The following PCNX2 variants were observed in gnomAD, a reference collection of about 807,000 sequenced individuals.
PCNX2 encodes pecanex 2, also known as pecanex-like protein 2.
A neutral mutation model predicts 223.8 loss-of-function variants in PCNX2; 168 were observed. The ratio of observed to expected loss-of-function variants is 0.75; its 90% CI spans 0.66 to 0.85. The LOEUF (loss-of-function observed/expected upper bound fraction) is 0.85. Ranked by LOEUF, PCNX2 falls within the 40% of genes least tolerant of loss-of-function variation. PCNX2 has a pLI of 0.00. For missense variants in PCNX2, 2,507 were observed against 2,675.5 expected, an observed-to-expected ratio of 0.94 and a Z score of 1.39; for synonymous variants, 1,006 against 1,052.6, an observed-to-expected ratio of 0.96 and a Z score of 0.86.
At chr1:233,119,403 CAAA>C (rs71173251) in intron 21 of PCNX2, among the ~76,000 whole-genome samples, 151 of 38,600 alleles carry the variant, frequency 3.9e-3, no homozygotes, top group African/African-American at 0.015. Context: ...ACTAAAAATA[CAAA>C]AAAAAAAAAA....
chr1:233,321,394 C>T, the PCNX2 span, among the ~76,000 whole-genome samples: 1 of 151,916 alleles, frequency 6.6e-6, no homozygotes, highest in African/African-American at 2.4e-5. Flanking sequence ...GCCTCCCAGG[C>T]TCAAGTGATT....
intron 21 of PCNX2, among the ~76,000 whole-genome samples, chr1:233,111,653 C>T (rs1675124223): frequency 6.6e-6 from 1 of 152,166 alleles, no homozygotes; most frequent in Admixed American, 6.5e-5. Flanking sequence ...ATCTGCCCAC[C>T]TCGGCCTCCC....
At chr1:233,323,511 C>T in the PCNX2 span, among the ~76,000 whole-genome samples, 1 of 152,228 alleles carries the variant, frequency 6.6e-6, no homozygotes, top group Non-Finnish European at 1.5e-5. Flanking sequence ...TTTCCAACAG[C>T]ATTTGCTCAC....
intron 4 of PCNX2, chr1:233,259,922 C>T: frequency 3.2e-6 from 2 of 616,610 alleles, no homozygotes; most frequent in Non-Finnish European, 4.1e-6. Flanking sequence ...ATATATATAG[C>T]ATTTACATTG....
chr1:233,097,863 C>G (rs550567475), intron 21 of PCNX2, among the ~76,000 whole-genome samples: 1 of 152,254 alleles, frequency 6.6e-6, no homozygotes, highest in South Asian at 2.1e-4. Context: ...CCACCATTAA[C>G]CCAACTAGAA....
At chr1:233,266,600 G>A (rs558708279) in intron 1 of PCNX2, among the ~76,000 whole-genome samples, 5 of 152,270 alleles carry the variant, frequency 3.3e-5, no homozygotes, top group African/African-American at 1.2e-4. Flanking sequence ...AGAGAAAGAA[G>A]GCTTAGGAAG....
At position 233,289,698 on chromosome 1, in the gene PCNX2, A is replaced by G. The variant is rs192062844; in HGVS notation, c.153+5628T>C. On this transcript the variant is annotated intron_variant, in intron 1 of 33. Transcript: ENST00000258229. Reference sequence around the variant, plus strand: ...ATATCAAGGTTCTGGGAGTCAAAGGAAAGAAAGCATGGACTATGTGATCCA... The same window carrying G: ...ATATCAAGGTTCTGGGAGTCAAAGGGAAGAAAGCATGGACTATGTGATCCA... Among the ~76,000 whole-genome samples the G allele has an allele frequency of 4.7e-4, 72 of 152,370 alleles. 1 individual carries two copies. In the East Asian group the frequency reaches 0.013, roughly 28 times the overall value.
intron 25 of PCNX2, among the ~76,000 whole-genome samples, chr1:233,045,833 T>C (rs904594115): frequency 1.3e-5 from 2 of 152,254 alleles, no homozygotes; most frequent in African/African-American, 4.8e-5. Context: ...AATGACATGA[T>C]GCCAGTGTCT....
At chr1:233,308,076 T>G in the PCNX2 span, among the ~76,000 whole-genome samples, 2 of 152,214 alleles carry the variant, frequency 1.3e-5, no homozygotes, top group African/African-American at 4.8e-5. Flanking sequence ...TAAAACAAAG[T>G]TATGGCTTAT....
intron 22 of PCNX2, among the ~76,000 whole-genome samples, chr1:233,091,196 G>T (rs550337830): frequency 5.3e-5 from 8 of 152,222 alleles, no homozygotes; most frequent in Admixed American, 4.6e-4. Flanking sequence ...ATTAGGACTT[G>T]GATCATTCTA....
intron 22 of PCNX2, among the ~76,000 whole-genome samples, chr1:233,093,289 T>C (rs767017373): frequency 6.6e-6 from 1 of 152,204 alleles, no homozygotes; most frequent in Non-Finnish European, 1.5e-5. Flanking sequence ...CATCTTTCCC[T>C]GGAGGTTACA....
intron 25 of PCNX2, among the ~76,000 whole-genome samples, chr1:233,038,079 G>A (rs766925144): frequency 4.6e-4 from 70 of 152,142 alleles, no homozygotes; most frequent in Non-Finnish European, 1.3e-4. Context: ...TTTAAAATCA[G>A]TATTCTTCTT....
At chr1:233,100,179 A>G (rs912603934) in intron 21 of PCNX2, among the ~76,000 whole-genome samples, 2 of 152,154 alleles carry the variant, frequency 1.3e-5, no homozygotes, top group Non-Finnish European at 2.9e-5. Flanking sequence ...TTGGGAGGCC[A>G]TGGCAGGCAG....
chr1:233,202,004 T>A, intron 13 of PCNX2: 1 of 330,490 alleles, frequency 3.0e-6, no homozygotes, highest in Non-Finnish European at 6.2e-6. Flanking sequence ...ATGCACTAGA[T>A]CCTCTCCAAA....
chr1:233,303,798 GTTC>G, the PCNX2 span, among the ~76,000 whole-genome samples: 107 of 152,118 alleles, frequency 7.0e-4, no homozygotes, highest in Non-Finnish European at 1.3e-3. Context: ...TCACCTCAGG[GTTC>G]TTCTGGTTAG....
Position 233,014,891 on chromosome 1 carries a change from C to A in PCNX2, c.4840-114G>T, listed in dbSNP as rs1326391678. 2.3e-5 allele frequency: 17 copies of A among 739,128 alleles called. No homozygotes were observed. In the East Asian group the frequency reaches 3.0e-4, roughly 13 times the overall value. 45.8% of individuals were successfully genotyped at this position (739,128 alleles called of 1,614,324 possible). A position where few individuals can be genotyped will look rare whatever the true frequency, so the allele number is the denominator to read the frequency against. ...TAAGTCAGCCACGTGGTCATCCAGT[C>A]CCCTCTAAGATGACCCCACAGACAG... On this transcript the variant is annotated intron_variant, in intron 27 of 33. Transcript: ENST00000258229.
intron 12 of PCNX2, among the ~76,000 whole-genome samples, chr1:233,212,173 G>T (rs76794345): frequency 6.6e-6 from 1 of 152,086 alleles, no homozygotes; most frequent in Non-Finnish European, 1.5e-5. Context: ...GGTTCCCCTT[G>T]TATGTGGAGC....
At chr1:233,169,507 TG>T (rs1461837891) in intron 17 of PCNX2, among the ~76,000 whole-genome samples, 1 of 151,274 alleles carries the variant, frequency 6.6e-6, no homozygotes, top group Admixed American at 6.6e-5. Context: ...TAGCCGGGCA[TG>T]GTGGCGCGCG....
chr1:233,014,871 C>A, intron 27 of PCNX2, 94 bp from the exon 28 acceptor site: 2 of 955,230 alleles, frequency 2.1e-6, no homozygotes, highest in African/African-American at 1.6e-5. Context: ...CTTTGTAAGT[C>A]AGCCACGTGG....
Sources: allele counts gnomAD v4.1 joint callset (sites outside exome capture counted in the v4.1 genomes callset), GRCh38; gene constraint gnomAD v4.1.1; transcripts MANE v1.5; gene names NCBI Gene and HGNC (gene_info 2026-07-23, HGNC 2026-07-21).